The following APBB1 variants were observed in gnomAD, a reference collection of about 807,000 sequenced individuals.
APBB1 encodes amyloid beta precursor protein binding family B member 1.
APBB1 carries 22 observed loss-of-function variants against 78.4 expected under a neutral mutation model. The observed-to-expected ratio is 0.28, with a 90% confidence interval of 0.20 to 0.40. The LOEUF is 0.40. APBB1 is among the 10% of genes least tolerant of loss of function. The pLI, the probability that APBB1 is intolerant of heterozygous loss-of-function variation, is 1.00. For synonymous variants in APBB1, 369 were observed against 372.7 expected (o/e 0.99, Z 0.12); for missense variants, 749 against 932.4 (o/e 0.80, Z 2.56).
intron 1 of APBB1, among the ~76,000 whole-genome samples, chr11:6,414,192 A>G (rs894544991): frequency 2.0e-5 from 3 of 152,118 alleles, no homozygotes; most frequent in Admixed American, 2.0e-4. Flanking sequence ...ATTCTGAAAC[A>G]TGTCGCACAC....
intron 1 of APBB1, among the ~76,000 whole-genome samples, chr11:6,412,589 C>A (rs1405596759): frequency 1.3e-5 from 2 of 152,202 alleles, no homozygotes; most frequent in African/African-American, 4.8e-5. Context: ...ATCTGACAAG[C>A]CAATTTATTA....
chr11:6,401,612 T>C lies in APBB1; in HGVS notation c.1465A>G (p.Lys489Glu), dbSNP rs1420224536. 6.2e-7 allele frequency: 1 copy of C among 1,614,154 alleles called. No homozygotes were observed. The highest frequency in any genetic ancestry group is 2.2e-5 in the East Asian group (1 of 44,872). ...TCATGCAGGCTGGTGGCGATGTTCT[T>C]GGCAGGTGCCTCACAGCGAAACACG... ...CHVFRCEAPA[K>E]NIATSLHEIC... Residue 489 changes from lysine to glutamate, a missense_variant, in exon 10 of 15, where the codon AAG (lysine) becomes GAG (glutamate). Physicochemically the swap from Lys to Glu is moderately conservative, Grantham distance 56 (BLOSUM62 1). Around this residue, in one of 3 missense-constraint regions of APBB1, gnomAD observed 635 missense variants for 765.0 expected, o/e 0.83. Coordinates refer to ENST00000609360, the MANE Select transcript of APBB1 (RefSeq NM_001164.5). This position sits in a 1 kb window ranked among gnomAD's most constrained non-coding sequence, Gnocchi z 4.5.
In APBB1 at chr11:6,403,046, C is replaced by A. The variant is rs940767021; in HGVS notation, c.1104+99G>T. 9 of 1,184,604 alleles carry A rather than the reference C, an allele frequency of 7.6e-6. No homozygotes were observed. Among genetic ancestry groups the A allele is most frequent in the Non-Finnish European group, 9.6e-6 (8 of 831,276 alleles). 73.4% of individuals were successfully genotyped at this position (1,184,604 alleles called of 1,614,324 possible). On this transcript the variant is annotated intron_variant, in intron 6 of 14. Transcript: ENST00000609360. This position sits in a 1 kb window ranked among gnomAD's most constrained non-coding sequence, Gnocchi z 5.3. ...ACTGGAAGAACTCCTAACTCAGGAC[C>A]TGGGGAACTGCGCTGAGACCCCTCA...
At chr11:6,404,013 G>GA in intron 2 of APBB1, 191 bp from the exon 3 acceptor site, 1 of 534,864 alleles carries the variant, frequency 1.9e-6, no homozygotes, top group Non-Finnish European at 3.1e-6. Flanking sequence ...TAGGGGACAT[G>GA]GCTCAGGTCT....
chr11:6,414,751 G>A lies in APBB1; in HGVS notation c.-14-3390C>T, dbSNP rs1849078231. 2.0e-5 allele frequency among the ~76,000 whole-genome samples: 3 copies of A among 152,264 alleles called. No homozygotes were observed. The South Asian group carries it at 6.2e-4, about 32-fold the overall frequency. On this transcript the variant is annotated intron_variant, in intron 1 of 14. Transcript: ENST00000609360. The stretch of plus-strand genomic sequence containing the variant: ...AAACCAACATCTTGGCACAGACACT[G>A]TTCAAGAGTGGCATCTCCATGGGTG...
Position 6,401,326 on chromosome 11 carries a change from G to C in APBB1, c.1588+19C>G. 1 of 1,614,186 alleles carries C rather than the reference G, an allele frequency of 6.2e-7. No individual in the cohort carries two copies. Reference sequence around the variant, plus strand: ...TGCCAACAAAGCTGAGCTGGACCTGGAGGGGTTTTGACACTGACCTTGGAA... The same window carrying C: ...TGCCAACAAAGCTGAGCTGGACCTGCAGGGGTTTTGACACTGACCTTGGAA... On this transcript the variant is annotated intron_variant, in intron 11 of 14. Transcript: ENST00000609360. This position sits in a 1 kb window ranked among gnomAD's most constrained non-coding sequence, Gnocchi z 4.5.
At position 6,395,700 on chromosome 11, in the gene APBB1, A is replaced by T; in HGVS notation, c.1967T>A (p.Leu656His). ...LSEAVQAACM[L>H]RYQKCLDARS... ...GGCATCCAGACACTTCTGGTAGCGA[A>T]GCTGCGGAGGCAAGCAGGGCAGTCA... The change falls in exon 15 of 15, where the codon CTT (leucine) becomes CAT (histidine). Residue 656 changes from leucine (L) to histidine (H), a missense_variant and splice_region_variant. This residue lies in a region of APBB1 where 96 missense variants were observed against 116.0 expected (regional missense o/e 0.83). Coordinates refer to ENST00000609360, the MANE Select transcript of APBB1 (RefSeq NM_001164.5). This position sits in a 1 kb window ranked among gnomAD's most constrained non-coding sequence, Gnocchi z 5.2. The T allele has an allele frequency of 6.3e-7, 1 of 1,587,218 alleles. No individual in the cohort carries two copies. The highest frequency in any genetic ancestry group is 8.6e-7 in the Non-Finnish European group (1 of 1,165,186).
At chr11:6,402,762 C>A (rs752605899) in intron 6 of APBB1, 37 bp from the exon 7 acceptor site, 1 of 1,612,702 alleles carries the variant, frequency 6.2e-7, no homozygotes, top group South Asian at 1.1e-5. Context: ...GGTAGAGGAT[C>A]TGAGTCAAAA....
chr11:6,412,779 C>G lies in APBB1; in HGVS notation c.-14-1418G>C, dbSNP rs545837092. Among the ~76,000 whole-genome samples the G allele has an allele frequency of 1.4e-4, 21 of 152,270 alleles. No individual in the cohort carries two copies. The South Asian group carries it at 2.5e-3, about 18-fold the overall frequency. The stretch of plus-strand genomic sequence containing the variant: ...TGAATCAGTCCCCATTTCCTCCAGG[C>G]TTCGCTTTGGCATCTCCTCTGCCAG... On this transcript the variant is annotated intron_variant, in intron 1 of 14. Transcript: ENST00000609360.
chr11:6,410,501 A>G (rs1848930030), intron 2 of APBB1, 126 bp downstream of exon 2: 3 of 752,886 alleles, frequency 4.0e-6, no homozygotes, highest in East Asian at 2.7e-5. Flanking sequence ...AAGCCTGGAC[A>G]TGGCCTGCTG....
In APBB1 at chr11:6,401,509, T is replaced by C; in HGVS notation, c.1503+65A>G. 4 of 1,613,378 alleles carry C rather than the reference T, an allele frequency of 2.5e-6. No homozygotes were observed. The South Asian group carries it at 4.4e-5, about 18-fold the overall frequency. Reference sequence around the variant, plus strand: ...CCTGGGGCCCCCCTACAGCACTCAGTGACCCCACCCACACCCTTGTAGAGC... The same window carrying C: ...CCTGGGGCCCCCCTACAGCACTCAGCGACCCCACCCACACCCTTGTAGAGC... On this transcript the variant is annotated intron_variant, in intron 10 of 14. Transcript: ENST00000609360. The surrounding 1 kb of genome is among the most constrained non-coding windows in gnomAD (Gnocchi z 4.5).
intron 12 of APBB1, chr11:6,396,534 C>T (rs1170083637): frequency 3.0e-6 from 1 of 328,330 alleles, no homozygotes; most frequent in Non-Finnish European, 5.7e-6. Flanking sequence ...TCTCTCAGCG[C>T]TCATCACACT....
At position 6,396,197 on chromosome 11, in the gene APBB1, C is replaced by T. The variant is rs368741206; in HGVS notation, c.1691G>A (p.Gly564Glu). The T allele has an allele frequency of 7.1e-6, 11 of 1,550,890 alleles. No homozygotes were observed. The Admixed American group carries it at 7.9e-5, about 11-fold the overall frequency. Residue 564 changes from glycine (G) to glutamate (E), a missense_variant, in exon 13 of 15, where the codon GGG becomes GAG. By Grantham distance (98) the Gly-to-Glu change is moderately conservative (BLOSUM62 -2). This residue lies in a region of APBB1 where 635 missense variants were observed against 765.0 expected (regional missense o/e 0.83). Transcript: ENST00000609360. ...AKPVGVDVIN[G>E]ALESVLSSSS... is the part of the protein sequence containing the mutation. ...GGAGGACAGGACTGACTCGAGGGCC[C>T]CATTAATCACATCTACCCCTAGAAC...
rs1849194013 is a variant in APBB1 at position 6,419,063 on chromosome 11, CACA to C, written c.-96_-94del. On this transcript the variant is annotated 5_prime_UTR_variant, in exon 1 of 15. An upstream open reading frame in the 5' UTR gains an earlier in-frame stop. Coordinates refer to ENST00000609360, the MANE Select transcript of APBB1 (RefSeq NM_001164.5). Reference sequence around the variant, plus strand: ...TCGGGCTCCGCCGCGGCTTCTCCATCACAACATCCCCCGCCCAGGAGCGCGCGG... The same window carrying C: ...TCGGGCTCCGCCGCGGCTTCTCCATCACATCCCCCGCCCAGGAGCGCGCGG... 3 of 390,910 alleles carry C rather than the reference CACA, an allele frequency of 7.7e-6. No individual in the cohort carries two copies. Among genetic ancestry groups the C allele is most frequent in the African/African-American group, 2.1e-5 (1 of 48,148 alleles). The allele number at this position is 390,910 out of a possible 1,614,324, so 24.2% of individuals were successfully genotyped here.
chr11:6,407,773 A>ATCT (rs746260058), intron 2 of APBB1, among the ~76,000 whole-genome samples: 3 of 137,742 alleles, frequency 2.2e-5, no homozygotes, highest in Non-Finnish European at 4.7e-5. Flanking sequence ...TAGTAGAAGT[A>ATCT]TTTTTTTTTT....
Position 6,418,962 on chromosome 11 carries a change from GCCGGGGCAGGGACAC to G in APBB1, c.-15+8_-15+22del, listed in dbSNP as rs1425525610. 1 of 390,368 alleles carries G rather than the reference GCCGGGGCAGGGACAC, an allele frequency of 2.6e-6. No individual in the cohort carries two copies. The highest frequency in any genetic ancestry group is 4.5e-5 in the Admixed American group (1 of 22,458). The allele number at this position is 390,368 out of a possible 1,614,324, so 24.2% of individuals were successfully genotyped here. A position where few individuals can be genotyped will look rare whatever the true frequency, so the allele number is the denominator to read the frequency against. On this transcript the variant is annotated splice_region_variant and intron_variant, in intron 1 of 14. Coordinates refer to ENST00000609360, the MANE Select transcript of APBB1 (RefSeq NM_001164.5). The stretch of plus-strand genomic sequence containing the variant: ...ATCGGGACGCAGCCACCGGGGCTGG[GCCGGGGCAGGGACAC>G]CTCCTACCTGCGCGGTGAGGCCCCG...
chr11:6,395,385 C>T lies in APBB1; in HGVS notation c.*149G>A. 1.2e-6 allele frequency: 1 copy of T among 827,454 alleles called. No individual in the cohort carries two copies. Among genetic ancestry groups the T allele is most frequent in the Non-Finnish European group, 1.8e-6 (1 of 560,612 alleles). 51.3% of individuals were successfully genotyped at this position (827,454 alleles called of 1,614,324 possible). A position where few individuals can be genotyped will look rare whatever the true frequency, so the allele number is the denominator to read the frequency against. ...TGAAGGGATTAGATCTCTCCCTCCCCAGCTCCTAGGCAGGGAACCGTAGCT... is the reference window on the plus strand; with the variant it reads ...TGAAGGGATTAGATCTCTCCCTCCCTAGCTCCTAGGCAGGGAACCGTAGCT... On this transcript the variant is annotated 3_prime_UTR_variant, in exon 15 of 15. Transcript: ENST00000609360. This position sits in a 1 kb window ranked among gnomAD's most constrained non-coding sequence, Gnocchi z 5.2.
chr11:6,403,028 G>T lies in APBB1; in HGVS notation c.1104+117C>A. 1.9e-6 allele frequency: 2 copies of T among 1,025,770 alleles called. No individual in the cohort carries two copies. The highest frequency in any genetic ancestry group is 1.6e-5 in the South Asian group (1 of 63,330). The allele number at this position is 1,025,770 out of a possible 1,614,324, so 63.5% of individuals were successfully genotyped here. A position where few individuals can be genotyped will look rare whatever the true frequency, so the allele number is the denominator to read the frequency against. ...ACAGGGCTCTGTGCTGAGACTGGAAGAACTCCTAACTCAGGACCTGGGGAA... is the reference window on the plus strand; with the variant it reads ...ACAGGGCTCTGTGCTGAGACTGGAATAACTCCTAACTCAGGACCTGGGGAA... On this transcript the variant is annotated intron_variant, in intron 6 of 14. Coordinates refer to ENST00000609360, the MANE Select transcript of APBB1 (RefSeq NM_001164.5). The surrounding 1 kb of genome is among the most constrained non-coding windows in gnomAD (Gnocchi z 5.3).
chr11:6,418,197 G>C (rs1264807936), intron 1 of APBB1, among the ~76,000 whole-genome samples: 1 of 152,178 alleles, frequency 6.6e-6, no homozygotes, highest in Non-Finnish European at 1.5e-5. Flanking sequence ...GCAGGAAAAT[G>C]CTTCAAGGAG....
Sources: allele counts gnomAD v4.1 joint callset (sites outside exome capture counted in the v4.1 genomes callset), GRCh38; gene constraint gnomAD v4.1.1; regional missense constraint gnomAD v4.1.1; non-coding constraint Gnocchi (gnomAD v3.1); transcripts MANE v1.5; gene names NCBI Gene and HGNC (gene_info 2026-07-23, HGNC 2026-07-21).